SIAH3: variants seen among roughly 807,000 people sequenced by gnomAD.
The protein encoded by SIAH3 is siah E3 ubiquitin protein ligase family member 3.
SIAH3 carries 9 observed loss-of-function variants against 12.6 expected under a neutral mutation model. That is an observed-to-expected ratio of 0.72 (90% CI 0.43 to 1.25). SIAH3 has a LOEUF of 1.25. SIAH3 is among the 50% of genes most tolerant of loss of function. The pLI, the probability that SIAH3 is intolerant of heterozygous loss-of-function variation, is 0.00. For synonymous variants in SIAH3, 154 were observed against 151.1 expected (o/e 1.02, Z -0.14); for missense variants, 390 against 365.4 (o/e 1.07, Z -0.55).
chr13:45,841,229 C>A (rs1400820621), intron 1 of SIAH3, among the ~76,000 whole-genome samples: 1 of 152,148 alleles, frequency 6.6e-6, no homozygotes, highest in Non-Finnish European at 1.5e-5. Flanking sequence ...ATCCGAGAGG[C>A]CATGAAGTCT....
At chr13:45,809,582 C>A (rs893502485) in intron 1 of SIAH3, among the ~76,000 whole-genome samples, 2 of 152,150 alleles carry the variant, frequency 1.3e-5, no homozygotes, top group African/African-American at 2.4e-5. Context: ...ATACTGCTTA[C>A]CCAAGAAGTC....
intron 1 of SIAH3, among the ~76,000 whole-genome samples, chr13:45,828,071 A>G (rs1235788020): frequency 6.6e-6 from 1 of 152,214 alleles, no homozygotes; most frequent in African/African-American, 2.4e-5. Flanking sequence ...ACTTTCAGCC[A>G]TGTCTTAGCT....
chr13:45,832,908 A>G (rs1180893869), intron 1 of SIAH3, among the ~76,000 whole-genome samples: 1 of 152,250 alleles, frequency 6.6e-6, no homozygotes, highest in Non-Finnish European at 1.5e-5. Flanking sequence ...TGCTCTGATC[A>G]TCCAAGTCCT....
intron 1 of SIAH3, among the ~76,000 whole-genome samples, chr13:45,825,066 C>G (rs760862323): frequency 1.3e-5 from 2 of 152,048 alleles, no homozygotes; most frequent in Non-Finnish European, 2.9e-5. Context: ...ACATATTTAT[C>G]GATTTCCACG....
chr13:45,820,532 T>A (rs1950652075), intron 1 of SIAH3, among the ~76,000 whole-genome samples: 1 of 152,172 alleles, frequency 6.6e-6, no homozygotes, highest in East Asian at 1.9e-4. Flanking sequence ...TAAGAGTTTG[T>A]TCATTTGATT....
intron 1 of SIAH3, among the ~76,000 whole-genome samples, chr13:45,802,564 G>A (rs988259471): frequency 2.0e-5 from 3 of 152,142 alleles, no homozygotes; most frequent in African/African-American, 7.2e-5. Flanking sequence ...AGACACTAGG[G>A]AGCTACATTT....
chr13:45,826,407 G>GGGT (rs1354042323), intron 1 of SIAH3, among the ~76,000 whole-genome samples: 4,566 of 101,220 alleles, frequency 0.045, 1,618 homozygotes, highest in Middle Eastern at 0.11. Context: ...ATGGATGGAT[G>GGGT]GATGGATGGA....
chr13:45,787,338 C>T (rs1298575466), intron 1 of SIAH3, among the ~76,000 whole-genome samples: 1 of 152,096 alleles, frequency 6.6e-6, no homozygotes, highest in Non-Finnish European at 1.5e-5. Context: ...ATTCAGCATA[C>T]ACGTACACAC....
intron 1 of SIAH3, among the ~76,000 whole-genome samples, chr13:45,850,425 T>A (rs1050789159): frequency 6.6e-6 from 1 of 152,138 alleles, no homozygotes; most frequent in African/African-American, 2.4e-5. Flanking sequence ...TGTCAGGCAC[T>A]GTCGCTACAG....
chr13:45,819,131 C>T (rs796970979), intron 1 of SIAH3, among the ~76,000 whole-genome samples: 7 of 152,190 alleles, frequency 4.6e-5, no homozygotes, highest in African/African-American at 1.7e-4. Flanking sequence ...TGACCATGCA[C>T]GACACAGAGA....
rs1006794588 is a variant in SIAH3, at chr13:45,779,383, T to C, written c.*4000A>G. 1 of 152,088 alleles carries C rather than the reference T, an allele frequency of 6.6e-6. No homozygotes were observed. Among genetic ancestry groups the C allele is most frequent in the Admixed American group, 6.5e-5 (1 of 15,274 alleles). 9.4% of individuals were successfully genotyped at this position (152,088 alleles called of 1,614,324 possible). ...AATACAAGCAGCTCTAGTACTCCAC[T>C]AGGTCTTGGGTTGAAAAAAGAGGGA... On this transcript the variant is annotated 3_prime_UTR_variant, in exon 2 of 2. Transcript: ENST00000400405.
chr13:45,836,685 G>A (rs750629299), intron 1 of SIAH3, among the ~76,000 whole-genome samples: 2 of 152,182 alleles, frequency 1.3e-5, no homozygotes, highest in Non-Finnish European at 2.9e-5. Context: ...TACTACCTGG[G>A]TGATGGGATG....
At chr13:45,819,674 T>A (rs1239316172) in intron 1 of SIAH3, among the ~76,000 whole-genome samples, 1 of 152,144 alleles carries the variant, frequency 6.6e-6, no homozygotes. Flanking sequence ...GGGCCCTGCA[T>A]GTCGGAGGGC....
At chr13:45,819,918 G>A (rs9534230) in intron 1 of SIAH3, among the ~76,000 whole-genome samples, 44,066 of 152,134 alleles carry the variant, frequency 0.29, 8,036 homozygotes, top group Non-Finnish European at 0.41. Context: ...CTGGAGGCTG[G>A]GAAGTCAGCG....
intron 1 of SIAH3, among the ~76,000 whole-genome samples, chr13:45,809,177 C>G (rs9534223): frequency 0.38 from 58,345 of 152,086 alleles, 11,926 homozygotes; most frequent in African/African-American, 0.44. Flanking sequence ...AAGGTAATTG[C>G]CTAAGCCTCT....
intron 1 of SIAH3, among the ~76,000 whole-genome samples, chr13:45,845,597 T>C (rs1248810062): frequency 6.6e-6 from 1 of 152,256 alleles, no homozygotes; most frequent in African/African-American, 2.4e-5. Flanking sequence ...TGAGTGTTTA[T>C]GCTTGCAAAA....
chr13:45,789,381 TATCTATCTATC>T (rs1950538513), intron 1 of SIAH3, among the ~76,000 whole-genome samples: 1 of 35,544 alleles, frequency 2.8e-5, no homozygotes, highest in Non-Finnish European at 5.8e-5. Context: ...TCTATCTATC[TATCTATCTATC>T]TATCTATCTA....
At chr13:45,816,170 A>G (rs1429726160) in intron 1 of SIAH3, among the ~76,000 whole-genome samples, 1 of 152,214 alleles carries the variant, frequency 6.6e-6, no homozygotes, top group Non-Finnish European at 1.5e-5. Flanking sequence ...TGAGACCTGA[A>G]GGAGCTGACG....
intron 1 of SIAH3, among the ~76,000 whole-genome samples, chr13:45,824,070 C>T (rs1024847999): frequency 6.6e-6 from 1 of 152,170 alleles, no homozygotes; most frequent in Admixed American, 6.5e-5. Context: ...TTAGGCCTTA[C>T]AAAGGTCAAA....
Sources: allele counts gnomAD v4.1 joint callset (sites outside exome capture counted in the v4.1 genomes callset), GRCh38; gene constraint gnomAD v4.1.1; transcripts MANE v1.5; gene names NCBI Gene and HGNC (gene_info 2026-07-23, HGNC 2026-07-21).